Variants in PHF2 observed in about 807,000 individuals in gnomAD.
PHF2 encodes PHD finger protein 2.
PHF2 carries 27 observed loss-of-function variants against 120.5 expected under a neutral mutation model. The ratio of observed to expected loss-of-function variants is 0.22; its 90% confidence interval spans 0.17 to 0.31. The LOEUF is 0.31. Ranked by LOEUF, PHF2 falls within the 10% of genes least tolerant of loss-of-function variation. The pLI is 1.00. For missense variants in PHF2, 1,024 were observed against 1,434.8 expected, an observed-to-expected ratio of 0.71 and a Z score of 4.63; for synonymous variants, 568 against 592.5, an observed-to-expected ratio of 0.96 and a Z score of 0.60.
rs1826953850 is a variant in PHF2, at chr9:93,678,104, A to T, written c.*428A>T. On this transcript the variant is annotated 3_prime_UTR_variant, in exon 22 of 22. Coordinates refer to ENST00000359246, the MANE Select transcript of PHF2 (RefSeq NM_005392.4). ...AGGCTGGCAGCCTCCAGGGGCTTAA[A>T]AAAAAAGGCAAAGAACACAGAAAGA... 6.2e-6 allele frequency: 1 copy of T among 160,798 alleles called. No homozygotes were observed. The highest frequency in any genetic ancestry group is 1.4e-5 in the Non-Finnish European group (1 of 73,712). 10.0% of individuals were successfully genotyped at this position (160,798 alleles called of 1,614,324 possible). A position where few individuals can be genotyped will look rare whatever the true frequency, so the allele number is the denominator to read the frequency against.
Position 93,665,764 on chromosome 9 carries a change from C to T in PHF2, c.2016C>T (p.Pro672=), listed in dbSNP as rs761606769. ...ACTTCAAGGAGGACAAGCCCAAGCC[C>T]GTGCGGGATGAGTATGAGTACGTGT... The part of the protein sequence containing the change: ...LQNFKEDKPK[P]VRDEYEYVSD... Residue 672 remains proline (P), a synonymous_variant, in exon 15 of 22, where the codon CCC becomes CCT. Transcript: ENST00000359246. 12 of 1,613,794 alleles carry T rather than the reference C, an allele frequency of 7.4e-6. No individual in the cohort carries two copies. The highest frequency in any genetic ancestry group is 1.6e-4 in the Middle Eastern group (1 of 6,084).
At chr9:93,655,784 A>G in intron 7 of PHF2, 150 bp from the exon 8 acceptor site, 1 of 613,448 alleles carries the variant, frequency 1.6e-6, no homozygotes, top group East Asian at 2.8e-5. Flanking sequence ...AGAGGTGGAC[A>G]GGGCACCAAG....
chr9:93,578,945 C>T (rs1862885404), intron 1 of PHF2, among the ~76,000 whole-genome samples: 1 of 152,180 alleles, frequency 6.6e-6, no homozygotes, highest in Non-Finnish European at 1.5e-5. Context: ...TGCTTTCCCT[C>T]GGCCATGAAA....
intron 14 of PHF2, among the ~76,000 whole-genome samples, chr9:93,664,391 A>C (rs1049576801): frequency 5.9e-5 from 9 of 152,294 alleles, no homozygotes; most frequent in Admixed American, 3.9e-4. Context: ...CAGCGGCAAC[A>C]CTTGGGCCTG....
rs1175893862 is a variant in PHF2 at position 93,660,320 on chromosome 9, G to C, written c.1458G>C (p.Glu486Asp). 3 of 1,610,232 alleles carry C rather than the reference G, an allele frequency of 1.9e-6. No individual in the cohort carries two copies. The highest frequency in any genetic ancestry group is 1.6e-4 in the Middle Eastern group (1 of 6,078). Residue 486 changes from glutamate (E) to aspartate (D), a missense_variant, in exon 12 of 22, where the codon GAG (glutamate) becomes GAC (aspartate). Physicochemically the swap from Glu to Asp is conservative, Grantham distance 45. Coordinates refer to ENST00000359246, the MANE Select transcript of PHF2 (RefSeq NM_005392.4). ...IEATPPQSLLEKVSKKKTPKT... is the reference protein window; with the variant it reads ...IEATPPQSLLDKVSKKKTPKT... ...CCACCCCGCCTCAATCCCTCCTGGA[G>C]AAAGTGTCCAAAAAAAAGACTCCCA...
At chr9:93,633,767 G>T (rs1826046274) in intron 2 of PHF2, among the ~76,000 whole-genome samples, 1 of 152,164 alleles carries the variant, frequency 6.6e-6, no homozygotes, top group African/African-American at 2.4e-5. Flanking sequence ...TTGGACAGGA[G>T]TGCAATTGGT....
intron 4 of PHF2, among the ~76,000 whole-genome samples, chr9:93,647,616 A>G (rs1442336280): frequency 1.3e-5 from 2 of 152,192 alleles, no homozygotes; most frequent in East Asian, 3.9e-4. Context: ...CTGATCAGGC[A>G]TGGTAGCTCA....
At chr9:93,670,297 T>G (rs1157649560) in intron 17 of PHF2, among the ~76,000 whole-genome samples, 1 of 152,180 alleles carries the variant, frequency 6.6e-6, no homozygotes, top group Admixed American at 6.5e-5. Flanking sequence ...TGCCTTGTCC[T>G]GGGGCCAGGT....
intron 1 of PHF2, among the ~76,000 whole-genome samples, chr9:93,624,790 G>A (rs541141360): frequency 1.3e-5 from 2 of 151,676 alleles, no homozygotes; most frequent in South Asian, 2.1e-4. Flanking sequence ...TAATGATGGT[G>A]TGGCAGTGCT....
Position 93,576,787 on chromosome 9 carries a change from C to A in PHF2, c.14C>A (p.Pro5His). The change falls in exon 1 of 22, where the codon CCC becomes CAC. Residue 5 changes from proline (P) to histidine (H), a missense_variant. Physicochemically the swap from Pro to His is moderately conservative, Grantham distance 77. This residue lies in a region of PHF2 where 347 missense variants were observed against 577.4 expected (regional missense o/e 0.60). Coordinates refer to ENST00000359246, the MANE Select transcript of PHF2 (RefSeq NM_005392.4). MATV[P>H]VYCVCRLPYD... ...CGGCGCGGCAACATGGCGACGGTGC[C>A]CGTGTACTGCGTCTGCCGGCTCCCC... 1 of 1,275,962 alleles carries A rather than the reference C, an allele frequency of 7.8e-7. No homozygotes were observed. The allele number at this position is 1,275,962 out of a possible 1,614,324, so 79.0% of individuals were successfully genotyped here. A position where few individuals can be genotyped will look rare whatever the true frequency, so the allele number is the denominator to read the frequency against.
intron 3 of PHF2, among the ~76,000 whole-genome samples, chr9:93,643,739 C>T (rs1826207588): frequency 6.6e-6 from 1 of 152,306 alleles, no homozygotes; most frequent in African/African-American, 2.4e-5. Context: ...TGGCACATCC[C>T]TGGAGAATCT....
chr9:93,635,113 G>A (rs2131661017), intron 2 of PHF2, among the ~76,000 whole-genome samples: 1 of 152,322 alleles, frequency 6.6e-6, no homozygotes. Flanking sequence ...CTGGCTTCTG[G>A]CCTTGACTCT....
At chr9:93,606,555 G>A (rs1158567924) in intron 1 of PHF2, among the ~76,000 whole-genome samples, 2 of 152,114 alleles carry the variant, frequency 1.3e-5, no homozygotes, top group Admixed American at 6.5e-5. Context: ...TTTATAATTG[G>A]GTTGTTTTCT....
Position 93,660,289 on chromosome 9 carries a change from T to A in PHF2, c.1427T>A (p.Ile476Asn). Residue 476 changes from isoleucine (I) to asparagine (N), a missense_variant, in exon 12 of 22, where the codon ATT becomes AAT. Coordinates refer to ENST00000359246, the MANE Select transcript of PHF2 (RefSeq NM_005392.4). ...DREKEEPPSP[I>N]EATPPQSLLE... ...GAGAAGGAGGAGCCCCCGTCTCCCA[T>A]TGAGGCCACCCCGCCTCAATCCCTC... 1.9e-6 allele frequency: 3 copies of A among 1,610,352 alleles called. No homozygotes were observed. Among genetic ancestry groups the A allele is most frequent in the Non-Finnish European group, 2.5e-6 (3 of 1,178,664 alleles).
chr9:93,576,860 G>A lies in PHF2; in HGVS notation c.87G>A (p.Trp29Ter). ...FMIECDACKD[W>*]FHGSCVGVEE... ...TCGAGTGCGACGCCTGCAAGGACTGGTTCCACGGCAGGTGAGCGCGCGGCG... is the reference window on the plus strand; with the variant it reads ...TCGAGTGCGACGCCTGCAAGGACTGATTCCACGGCAGGTGAGCGCGCGGCG... The change falls in exon 1 of 22, where the codon TGG becomes TGA. Residue 29 changes from tryptophan to a stop codon, truncating the protein, a stop_gained. Transcript: ENST00000359246. LOFTEE classifies it high-confidence loss of function. 8.0e-7 allele frequency: 1 copy of A among 1,256,078 alleles called. No individual in the cohort carries two copies. The highest frequency in any genetic ancestry group is 1.0e-6 in the Non-Finnish European group (1 of 962,640). The allele number at this position is 1,256,078 out of a possible 1,614,324, so 77.8% of individuals were successfully genotyped here. A position where few individuals can be genotyped will look rare whatever the true frequency, so the allele number is the denominator to read the frequency against.
At chr9:93,612,793 C>G (rs1252335787) in intron 1 of PHF2, among the ~76,000 whole-genome samples, 1 of 152,164 alleles carries the variant, frequency 6.6e-6, no homozygotes, top group Non-Finnish European at 1.5e-5. Context: ...GCAGCAGACT[C>G]TTGCAGGGCC....
At chr9:93,615,453 C>T (rs62573991) in intron 1 of PHF2, among the ~76,000 whole-genome samples, 47,381 of 152,028 alleles carry the variant, frequency 0.31, 8,162 homozygotes, top group South Asian at 0.61. Context: ...TTTACAGCCA[C>T]CAGCTATGTG....
At chr9:93,667,554 G>A (rs1402549972) in intron 17 of PHF2, among the ~76,000 whole-genome samples, 2 of 152,122 alleles carry the variant, frequency 1.3e-5, no homozygotes, top group Non-Finnish European at 2.9e-5. Context: ...ATGTACTACA[G>A]ACGGGTAACT....
At chr9:93,605,922 C>T (rs1825534789) in intron 1 of PHF2, among the ~76,000 whole-genome samples, 1 of 151,988 alleles carries the variant, frequency 6.6e-6, no homozygotes, top group African/African-American at 2.4e-5. Flanking sequence ...TGGGTAGATA[C>T]CAAGGAGTAT....
Sources: allele counts gnomAD v4.1 joint callset (sites outside exome capture counted in the v4.1 genomes callset), GRCh38; gene constraint gnomAD v4.1.1; regional missense constraint gnomAD v4.1.1; transcripts MANE v1.5; gene names NCBI Gene and HGNC (gene_info 2026-07-23, HGNC 2026-07-21).